Variants in MSH3 observed in about 807,000 individuals in gnomAD.
MSH3 encodes mutS homolog 3.
In MSH3, 106 loss-of-function variants were observed where a neutral mutation model predicts 123.3. The ratio of observed to expected loss-of-function variants is 0.86; its 90% confidence interval spans 0.73 to 1.01. MSH3 has a LOEUF of 1.01. MSH3 is among the 50% of genes least tolerant of loss of function. The probability of loss-of-function intolerance (pLI) is 0.00; values close to 1 mark genes in which losing one functional copy is unlikely to be tolerated. For missense variants in MSH3, 1,459 were observed against 1,347.6 expected, an observed-to-expected ratio of 1.08 and a Z score of -1.29; for synonymous variants, 515 against 481.4, an observed-to-expected ratio of 1.07 and a Z score of -0.91.
At chr5:80,778,912 G>C in intron 17 of MSH3, 76 bp downstream of exon 17, 1 of 814,908 alleles carries the variant, frequency 1.2e-6, no homozygotes. Context: ...CCATCAAAAA[G>C]AAAATAGAGA....
chr5:80,811,781 A>T (rs1189065202), intron 19 of MSH3, among the ~76,000 whole-genome samples: 1 of 148,498 alleles, frequency 6.7e-6, no homozygotes, highest in Non-Finnish European at 1.5e-5. Context: ...TAGACATATT[A>T]AAAAAGAGAT....
Position 80,679,994 on chromosome 5 carries a change from G to A in MSH3, c.1340+901G>A, listed in dbSNP as rs60819717. Reference sequence around the variant, plus strand: ...TAGAAAATCGAGGCCAGGCACGGTGGCTCACGCCTGTAATCCTAGCACTTT... The same window carrying A: ...TAGAAAATCGAGGCCAGGCACGGTGACTCACGCCTGTAATCCTAGCACTTT... On this transcript the variant is annotated intron_variant, in intron 8 of 23. Coordinates refer to ENST00000265081, the MANE Select transcript of MSH3 (RefSeq NM_002439.5). 6.8e-3 allele frequency among the ~76,000 whole-genome samples: 1,036 copies of A among 152,188 alleles called. 13 individuals carry two copies. The highest frequency in any genetic ancestry group is 0.023 in the African/African-American group (939 of 41,494).
At chr5:80,776,451 C>T (rs1041443223) in intron 16 of MSH3, among the ~76,000 whole-genome samples, 6 of 152,142 alleles carry the variant, frequency 3.9e-5, no homozygotes, top group Non-Finnish European at 8.8e-5. Context: ...CATTTTCTAC[C>T]TCACTGAGCT....
chr5:80,685,830 A>G (rs1220589962), intron 8 of MSH3, among the ~76,000 whole-genome samples: 1 of 151,980 alleles, frequency 6.6e-6, no homozygotes, highest in Non-Finnish European at 1.5e-5. Context: ...ACTGTATCAC[A>G]TAGGTTTTGG....
chr5:80,744,703 T>G (rs1580599546), intron 12 of MSH3, 88 bp downstream of exon 12: 1 of 919,956 alleles, frequency 1.1e-6, no homozygotes, highest in Non-Finnish European at 1.7e-6. Context: ...ACCATTGTTT[T>G]TAAGAACACA....
intron 20 of MSH3, among the ~76,000 whole-genome samples, chr5:80,841,304 T>C (rs1482650570): frequency 2.0e-5 from 3 of 152,246 alleles, no homozygotes; most frequent in Non-Finnish European, 4.4e-5. Context: ...CAGTCTATCA[T>C]TGATGGACAT....
chr5:80,656,144 G>A (rs942411736), intron 1 of MSH3, among the ~76,000 whole-genome samples: 1 of 152,224 alleles, frequency 6.6e-6, no homozygotes, highest in Non-Finnish European at 1.5e-5. Context: ...AAGGCTCATT[G>A]AATCAAGACC....
intron 20 of MSH3, among the ~76,000 whole-genome samples, chr5:80,822,752 A>G (rs926232605): frequency 9.9e-5 from 15 of 152,244 alleles, no homozygotes; most frequent in African/African-American, 3.6e-4. Flanking sequence ...CCACCCACAC[A>G]GAATGGGATA....
chr5:80,750,312 C>T (rs933346233), intron 12 of MSH3, among the ~76,000 whole-genome samples: 3 of 152,068 alleles, frequency 2.0e-5, no homozygotes, highest in Admixed American at 2.0e-4. Flanking sequence ...GAGGAACTAG[C>T]ATACTGTTTT....
chr5:80,780,953 T>C (rs1744400008), intron 17 of MSH3, among the ~76,000 whole-genome samples: 1 of 151,994 alleles, frequency 6.6e-6, no homozygotes, highest in Non-Finnish European at 1.5e-5. Flanking sequence ...ACCCGACAAA[T>C]GAAAAAAACT....
chr5:80,722,046 A>G (rs537687874), intron 8 of MSH3, among the ~76,000 whole-genome samples: 27 of 152,346 alleles, frequency 1.8e-4, no homozygotes, highest in African/African-American at 6.0e-4. Context: ...GAAAAAAAAT[A>G]TATAAACTAT....
intron 20 of MSH3, among the ~76,000 whole-genome samples, chr5:80,849,253 T>G (rs778880410): frequency 7.9e-5 from 12 of 152,154 alleles, no homozygotes; most frequent in Non-Finnish European, 1.2e-4. Flanking sequence ...CCCAGCTTCT[T>G]TCACAGGCTG....
intron 17 of MSH3, among the ~76,000 whole-genome samples, chr5:80,786,744 C>T (rs182437170): frequency 2.2e-3 from 336 of 152,052 alleles, no homozygotes; most frequent in Non-Finnish European, 3.7e-3. Flanking sequence ...ACAATTTATA[C>T]GACACTACAC....
At chr5:80,659,058 A>G (rs1749363550) in intron 2 of MSH3, among the ~76,000 whole-genome samples, 1 of 152,022 alleles carries the variant, frequency 6.6e-6, no homozygotes, top group African/African-American at 2.4e-5. Flanking sequence ...ACATGGTGAA[A>G]CCCTGTCTCT....
chr5:80,806,534 T>C (rs1744894936), intron 19 of MSH3, among the ~76,000 whole-genome samples: 1 of 152,324 alleles, frequency 6.6e-6, no homozygotes, highest in South Asian at 2.1e-4. Flanking sequence ...TATATTAAGT[T>C]TCCACATTTT....
intron 10 of MSH3, among the ~76,000 whole-genome samples, chr5:80,738,384 C>G (rs958642758): frequency 2.0e-5 from 3 of 152,096 alleles, no homozygotes; most frequent in Non-Finnish European, 4.4e-5. Context: ...CCGACAGTAC[C>G]TTGTTTCAGT....
intron 20 of MSH3, among the ~76,000 whole-genome samples, chr5:80,842,515 C>T (rs868584203): frequency 1.3e-4 from 20 of 152,250 alleles, no homozygotes; most frequent in African/African-American, 3.6e-4. Context: ...GCCATTTTCA[C>T]AATATTGATT....
intron 18 of MSH3, among the ~76,000 whole-genome samples, chr5:80,788,671 G>A (rs147352824): frequency 5.9e-5 from 9 of 151,972 alleles, no homozygotes; most frequent in East Asian, 1.9e-4. Context: ...TTAGCTGGGC[G>A]TGGTGGTGCA....
intron 8 of MSH3, among the ~76,000 whole-genome samples, chr5:80,679,747 T>C (rs1749927704): frequency 6.6e-6 from 1 of 152,192 alleles, no homozygotes; most frequent in African/African-American, 2.4e-5. Flanking sequence ...GAGAGTCAGA[T>C]GTGTGCATAC....
Sources: allele counts gnomAD v4.1 joint callset (sites outside exome capture counted in the v4.1 genomes callset), GRCh38; gene constraint gnomAD v4.1.1; transcripts MANE v1.5; gene names NCBI Gene and HGNC (gene_info 2026-07-23, HGNC 2026-07-21).